The following LILRA2 variants were observed in gnomAD, a reference collection of about 807,000 sequenced individuals.
The protein encoded by LILRA2 is leukocyte immunoglobulin-like receptor subfamily A member 2.
Under a neutral mutation model 47.9 loss-of-function variants are expected in LILRA2, and 45 were observed. The ratio of observed to expected loss-of-function variants is 0.94; its 90% CI spans 0.74 to 1.20. The LOEUF is 1.20. Among genes scored for constraint, LILRA2 ranks in the 50% most tolerant of loss-of-function variants. The pLI is 0.00. For synonymous variants in LILRA2, 279 were observed against 249.2 expected, an observed-to-expected ratio of 1.12 and a Z score of -1.13; for missense variants, 651 against 598.2, an observed-to-expected ratio of 1.09 and a Z score of -0.92.
rs747390898 is a variant in LILRA2 at position 54,574,583 on chromosome 19, G to A, written c.352+1G>A. 9 of 1,613,792 alleles carry A rather than the reference G, an allele frequency of 5.6e-6. No individual in the cohort carries two copies. The highest frequency in any genetic ancestry group is 6.8e-6 in the Non-Finnish European group (8 of 1,179,830). ...GACCCCCTGGAGCTGGTGGTGACAGGTGAGAGGACACTCAGGAGTCCCAGC... is the reference window on the plus strand; with the variant it reads ...GACCCCCTGGAGCTGGTGGTGACAGATGAGAGGACACTCAGGAGTCCCAGC... On this transcript the variant is annotated splice_donor_variant, in intron 3 of 7. Transcript: ENST00000391738. LOFTEE classifies it high-confidence loss of function.
chr19:54,587,020 G>A lies in LILRA2; in HGVS notation c.1266G>A (p.Glu422=). Residue 422 remains glutamate (E), a synonymous_variant, in exon 7 of 8, where the codon GAG becomes GAA. Transcript: ENST00000391738. ...PLELVVSEAA[E]TLSPSQNKTD... is the part of the protein sequence containing the mutation. ...TGTTTTGATTCTCAGAAGCAGCTGA[G>A]ACCCTCAGCCCATCACAAAACAAGA... 1 of 1,612,744 alleles carries A rather than the reference G, an allele frequency of 6.2e-7. No homozygotes were observed. Among genetic ancestry groups the A allele is most frequent in the Non-Finnish European group, 8.5e-7 (1 of 1,179,212 alleles).
At chr19:54,586,832 A>T (rs1600243693) in intron 6 of LILRA2, among the ~76,000 whole-genome samples, 178 bp from the exon 7 acceptor site, 1 of 152,216 alleles carries the variant, frequency 6.6e-6, no homozygotes, top group Non-Finnish European at 1.5e-5. Flanking sequence ...GGATTTGTAG[A>T]ACACAGGAAG....
At chr19:54,584,464 T>C (rs2062737541) in intron 6 of LILRA2, among the ~76,000 whole-genome samples, 1 of 152,100 alleles carries the variant, frequency 6.6e-6, no homozygotes, top group Non-Finnish European at 1.5e-5. Flanking sequence ...GGAGGCTTTG[T>C]TCATTTCTTT....
In LILRA2 at chr19:54,574,389, T is replaced by A. The variant is rs7260169; in HGVS notation, c.159T>A (p.Leu53=). 3 of 1,410,644 alleles carry A rather than the reference T, an allele frequency of 2.1e-6. No homozygotes were observed. The highest frequency in any genetic ancestry group is 2.0e-6 in the Non-Finnish European group (2 of 1,024,700). 87.4% of individuals were successfully genotyped at this position (1,410,644 alleles called of 1,614,324 possible). A position where few individuals can be genotyped will look rare whatever the true frequency, so the allele number is the denominator to read the frequency against. ...SPVTLRCQGS[L]QAEEYHLYRE... ...TGACCCTCAGGTGTCAGGGGAGCCT[T>A]CAGGCTGAGGAGTACCATCTATATA... Residue 53 remains leucine (L), a synonymous_variant, in exon 3 of 8, where the codon CTT becomes CTA. Coordinates refer to ENST00000391738, the MANE Select transcript of LILRA2 (RefSeq NM_001130917.3).
chr19:54,587,867 C>G lies in LILRA2; in HGVS notation c.*521C>G, dbSNP rs1276077300. 6.4e-6 allele frequency: 1 copy of G among 156,156 alleles called. No homozygotes were observed. Among genetic ancestry groups the G allele is most frequent in the Non-Finnish European group, 1.4e-5 (1 of 70,392 alleles). The allele number at this position is 156,156 out of a possible 1,614,324, so 9.7% of individuals were successfully genotyped here. A position where few individuals can be genotyped will look rare whatever the true frequency, so the allele number is the denominator to read the frequency against. On this transcript the variant is annotated 3_prime_UTR_variant, in exon 8 of 8. Coordinates refer to ENST00000391738, the MANE Select transcript of LILRA2 (RefSeq NM_001130917.3). ...CTCTCTGTACCTTATGAGCCCTTCCCTCTTTCTCAGATGCTATCTGTGTAA... is the reference window on the plus strand; with the variant it reads ...CTCTCTGTACCTTATGAGCCCTTCCGTCTTTCTCAGATGCTATCTGTGTAA...
chr19:54,586,956 G>C, intron 6 of LILRA2, 54 bp from the exon 7 acceptor site: 2 of 1,335,912 alleles, frequency 1.5e-6, no homozygotes, highest in Non-Finnish European at 2.1e-6. Flanking sequence ...GAAGAATGCA[G>C]AGCCCAGGAG....
rs1189735699 is a variant in LILRA2, at chr19:54,587,966, A to G, written c.*620A>G. The G allele has an allele frequency of 1.3e-5, 2 of 152,966 alleles. No individual in the cohort carries two copies. The highest frequency in any genetic ancestry group is 4.8e-5 in the African/African-American group (2 of 41,466). 9.5% of individuals were successfully genotyped at this position (152,966 alleles called of 1,614,324 possible). Reference sequence around the variant, plus strand: ...TGACACCACAGCTATGCTGATTCAGAAAAAGACATCTCTAAAATACTGTAA... The same window carrying G: ...TGACACCACAGCTATGCTGATTCAGGAAAAGACATCTCTAAAATACTGTAA... On this transcript the variant is annotated 3_prime_UTR_variant, in exon 8 of 8. Coordinates refer to ENST00000391738, the MANE Select transcript of LILRA2 (RefSeq NM_001130917.3).
chr19:54,579,704 T>C (rs1600222834), intron 6 of LILRA2, among the ~76,000 whole-genome samples: 1 of 152,298 alleles, frequency 6.6e-6, no homozygotes. Context: ...TTGGGCAGTG[T>C]GGCCATTTTC....
upstream of LILRA2, chr19:54,573,172 AC>A (rs1316086892): frequency 2.5e-4 from 83 of 327,214 alleles, no homozygotes; most frequent in African/African-American, 1.6e-3. Context: ...TTTTATACAG[AC>A]AAGGTCTTGC....
chr19:54,585,572 G>T (rs888615220), intron 6 of LILRA2, among the ~76,000 whole-genome samples: 1 of 152,224 alleles, frequency 6.6e-6, no homozygotes, highest in Admixed American at 6.5e-5. Context: ...AGTGAGCAAG[G>T]CTCCGTGGGT....
chr19:54,582,871 G>A (rs1568521582), intron 6 of LILRA2, among the ~76,000 whole-genome samples: 1 of 151,950 alleles, frequency 6.6e-6, no homozygotes, highest in African/African-American at 2.4e-5. Context: ...GTGATGTTAG[G>A]GTGTCGATTT....
chr19:54,573,413 G>T, upstream of LILRA2: 2 of 972,282 alleles, frequency 2.1e-6, no homozygotes, highest in East Asian at 2.5e-5. Context: ...AGCATCTCCA[G>T]GGCTGGAGGG....
chr19:54,577,813 C>A, intron 6 of LILRA2: 2 of 801,100 alleles, frequency 2.5e-6, no homozygotes, highest in Non-Finnish European at 3.2e-6. Flanking sequence ...TTTTCTAAAA[C>A]TTTTAAAACA....
chr19:54,585,366 G>T (rs1394671546), intron 6 of LILRA2, among the ~76,000 whole-genome samples: 2 of 152,218 alleles, frequency 1.3e-5, no homozygotes, highest in Non-Finnish European at 2.9e-5. Context: ...GCTGCCCTTT[G>T]TTCTACTATG....
chr19:54,577,640 TC>T lies in LILRA2; in HGVS notation c.1255+1533del, dbSNP rs924215168. 16 of 1,289,468 alleles carry T rather than the reference TC, an allele frequency of 1.2e-5. No homozygotes were observed. The African/African-American group carries it at 2.1e-4, about 17-fold the overall frequency. 79.9% of individuals were successfully genotyped at this position (1,289,468 alleles called of 1,614,324 possible). Reference sequence around the variant, plus strand: ...CTGTGGGTGCCGCTCACACTGCCCCTCCTGTGCTCACCTGGAGGCCTCTGTG... The same window carrying T: ...CTGTGGGTGCCGCTCACACTGCCCCTCTGTGCTCACCTGGAGGCCTCTGTG... On this transcript the variant is annotated intron_variant, in intron 6 of 7. Coordinates refer to ENST00000391738, the MANE Select transcript of LILRA2 (RefSeq NM_001130917.3).
intron 6 of LILRA2, among the ~76,000 whole-genome samples, chr19:54,586,549 C>T (rs184405107): frequency 5.3e-5 from 8 of 152,294 alleles, no homozygotes; most frequent in South Asian, 2.1e-4. Flanking sequence ...CATTCAAGAG[C>T]CCCTGAGGTC....
In LILRA2 at chr19:54,587,998, G is replaced by T. The variant is rs1466407963; in HGVS notation, c.*652G>T. 1 of 152,376 alleles carries T rather than the reference G, an allele frequency of 6.6e-6. No homozygotes were observed. The highest frequency in any genetic ancestry group is 1.5e-5 in the Non-Finnish European group (1 of 68,216). 9.4% of individuals were successfully genotyped at this position (152,376 alleles called of 1,614,324 possible). A position where few individuals can be genotyped will look rare whatever the true frequency, so the allele number is the denominator to read the frequency against. ...CATCTCTAAAATACTGTAATTAGTG[G>T]TATCTACCAATTTCTGTGACATAAA... On this transcript the variant is annotated 3_prime_UTR_variant, in exon 8 of 8. Coordinates refer to ENST00000391738, the MANE Select transcript of LILRA2 (RefSeq NM_001130917.3).
chr19:54,576,691 A>T lies in LILRA2; in HGVS notation c.1255+582A>T, dbSNP rs183912861. 4.0e-5 allele frequency among the ~76,000 whole-genome samples: 6 copies of T among 150,980 alleles called. No individual in the cohort carries two copies. In the South Asian group the frequency reaches 1.0e-3, roughly 26 times the overall value. On this transcript the variant is annotated intron_variant, in intron 6 of 7. Coordinates refer to ENST00000391738, the MANE Select transcript of LILRA2 (RefSeq NM_001130917.3). The stretch of plus-strand genomic sequence containing the variant: ...GGTTCAGCATTGATGAGCGGAGCAG[A>T]GGGATCTTTCCCCCTCCCTGAGCAG...
At position 54,588,492 on chromosome 19, in the gene LILRA2, G is replaced by C. The variant is rs550982117; in HGVS notation, c.*1146G>C. On this transcript the variant is annotated 3_prime_UTR_variant, in exon 8 of 8. Coordinates refer to ENST00000391738, the MANE Select transcript of LILRA2 (RefSeq NM_001130917.3). ...GTGGTGGTGGGCGCCTGTAGTCCCA[G>C]CTACTCAGGAGGCTGAGGCAGGAGA... 2 of 151,708 alleles carry C rather than the reference G, an allele frequency of 1.3e-5. No individual in the cohort carries two copies. Among genetic ancestry groups the C allele is most frequent in the African/African-American group, 4.8e-5 (2 of 41,418 alleles). 9.4% of individuals were successfully genotyped at this position (151,708 alleles called of 1,614,324 possible). A position where few individuals can be genotyped will look rare whatever the true frequency, so the allele number is the denominator to read the frequency against.
Sources: gnomAD v4.1 joint callset for allele counts (sites outside exome capture counted in the v4.1 genomes callset) on GRCh38, gnomAD v4.1.1 for gene constraint, MANE v1.5 for transcripts, NCBI Gene and HGNC (gene_info 2026-07-23, HGNC 2026-07-21) for gene names.